Variants in ENPP6 observed in about 807,000 individuals in gnomAD.
ENPP6 encodes glycerophosphocholine cholinephosphodiesterase ENPP6.
Under a neutral mutation model 42.0 loss-of-function variants are expected in ENPP6, and 32 were observed. The observed-to-expected ratio is 0.76, with a 90% CI of 0.58 to 1.02. The LOEUF (loss-of-function observed/expected upper bound fraction) is 1.02. Ranked by LOEUF, ENPP6 falls within the 50% of genes least tolerant of loss-of-function variation. The pLI is 0.00. For missense variants in ENPP6, 552 were observed against 566.8 expected (o/e 0.97, Z 0.27); for synonymous variants, 213 against 216.0 (o/e 0.99, Z 0.12).
chr4:184,108,084 G>A (rs1736133443), intron 6 of ENPP6, among the ~76,000 whole-genome samples: 1 of 152,112 alleles, frequency 6.6e-6, no homozygotes, highest in Non-Finnish European at 1.5e-5. Flanking sequence ...TTTGGGGAAG[G>A]GCATTTTTAC....
intron 7 of ENPP6, among the ~76,000 whole-genome samples, chr4:184,093,771 G>A (rs1285140880): frequency 2.0e-5 from 3 of 152,042 alleles, no homozygotes; most frequent in African/African-American, 7.2e-5. Flanking sequence ...GATGAGGATG[G>A]TAGTTACACT....
chr4:184,201,001 G>A (rs559216093), intron 1 of ENPP6, among the ~76,000 whole-genome samples: 3 of 152,262 alleles, frequency 2.0e-5, no homozygotes, highest in Non-Finnish European at 2.9e-5. Context: ...GGTGGCCCAC[G>A]CATCCTCCCA....
intron 1 of ENPP6, among the ~76,000 whole-genome samples, chr4:184,194,127 T>G (rs77763922): frequency 0.024 from 3,604 of 152,260 alleles, 140 homozygotes; most frequent in African/African-American, 0.083. Flanking sequence ...TCATGGTCCC[T>G]CATCTACTCA....
rs147327112 is a variant in ENPP6, at chr4:184,194,215, C to T, written c.241+23364G>A. Reference sequence around the variant, plus strand: ...AGTCACCACCTGAATGTCCCGCAAGCGTCGCAGTGTGAGAATATAAACGAT... The same window carrying T: ...AGTCACCACCTGAATGTCCCGCAAGTGTCGCAGTGTGAGAATATAAACGAT... On this transcript the variant is annotated intron_variant, in intron 1 of 7. Transcript: ENST00000296741. Among the ~76,000 whole-genome samples, 1,092 of 152,296 alleles carry T rather than the reference C, an allele frequency of 7.2e-3. 6 individuals carry two copies. The highest frequency in any genetic ancestry group is 0.018 in the South Asian group (87 of 4,818).
At chr4:184,092,663 C>T (rs758616947) in intron 7 of ENPP6, among the ~76,000 whole-genome samples, 13 of 152,160 alleles carry the variant, frequency 8.5e-5, no homozygotes, top group Non-Finnish European at 1.6e-4. Flanking sequence ...CACTTTTAGG[C>T]CCCAAACCAG....
rs756931617 is a variant in ENPP6 at position 184,097,337 on chromosome 4, C to T, written c.1025G>A (p.Ser342Asn). Residue 342 changes from serine to asparagine, a missense_variant, in exon 7 of 8, where the codon AGC becomes AAC. Ser to Asn is a conservative substitution (Grantham distance 46, BLOSUM62 1). Coordinates refer to ENST00000296741, the MANE Select transcript of ENPP6 (RefSeq NM_153343.4). ...NREMLPFWMN[S>N]TGRREGWQRG... ...CTGCCAACCTTCCCGCCTGCCGGTG[C>T]TGTTCATCCAAAACGGAAGCATCTC... is the stretch of plus-strand genomic sequence containing the variant. 5.4e-5 allele frequency: 87 copies of T among 1,614,092 alleles called. 2 individuals are homozygous for T. The South Asian group carries it at 9.3e-4, about 17-fold the overall frequency.
intron 2 of ENPP6, among the ~76,000 whole-genome samples, chr4:184,152,373 C>T (rs946968518): frequency 6.6e-6 from 1 of 152,120 alleles, no homozygotes; most frequent in Non-Finnish European, 1.5e-5. Context: ...TCCACTGCCC[C>T]CTCCCTGCAG....
chr4:184,158,746 T>C (rs1430105116), intron 1 of ENPP6, among the ~76,000 whole-genome samples: 1 of 152,220 alleles, frequency 6.6e-6, no homozygotes, highest in Non-Finnish European at 1.5e-5. Context: ...TTCAATGTCA[T>C]AAAATAGCTC....
At chr4:184,193,916 G>A (rs1407366395) in intron 1 of ENPP6, among the ~76,000 whole-genome samples, 11 of 152,172 alleles carry the variant, frequency 7.2e-5, no homozygotes, top group Non-Finnish European at 1.3e-4. Flanking sequence ...TGTTCAGTTT[G>A]ATGCTACTGA....
chr4:184,215,517 C>G (rs1424408974), intron 1 of ENPP6, among the ~76,000 whole-genome samples: 1 of 152,142 alleles, frequency 6.6e-6, no homozygotes, highest in African/African-American at 2.4e-5. Flanking sequence ...GGTTCATGGC[C>G]TGGCATTTCC....
At chr4:184,137,447 G>T (rs1736748490) in intron 2 of ENPP6, among the ~76,000 whole-genome samples, 2 of 152,106 alleles carry the variant, frequency 1.3e-5, no homozygotes, top group Non-Finnish European at 2.9e-5. Flanking sequence ...TGGTTTTTCA[G>T]TCAGGCCTTG....
At chr4:184,099,829 G>C (rs1443526160) in intron 6 of ENPP6, among the ~76,000 whole-genome samples, 1 of 152,110 alleles carries the variant, frequency 6.6e-6, no homozygotes, top group Non-Finnish European at 1.5e-5. Flanking sequence ...TCCCAATTTA[G>C]TCTCGTCAGC....
intron 1 of ENPP6, among the ~76,000 whole-genome samples, chr4:184,182,099 G>A: frequency 6.6e-6 from 1 of 151,484 alleles, no homozygotes; most frequent in East Asian, 1.9e-4. Context: ...GAAAATTTTT[G>A]CAATCTATCC....
At chr4:184,103,105 T>C (rs546784393) in intron 6 of ENPP6, among the ~76,000 whole-genome samples, 1 of 152,332 alleles carries the variant, frequency 6.6e-6, no homozygotes, top group Admixed American at 6.5e-5. Flanking sequence ...GACTGCAGAA[T>C]GAGGCACAGG....
rs549193067 is a variant in ENPP6, at chr4:184,209,218, G to A, written c.241+8361C>T. Among the ~76,000 whole-genome samples, 215 of 150,544 alleles carry A rather than the reference G, an allele frequency of 1.4e-3. 1 individual carries two copies. The highest frequency in any genetic ancestry group is 2.0e-3 in the African/African-American group (82 of 40,326). ...AGGAACGCAGCTCCTCACCAGCAAT[G>A]GAACAAAGCTGGATGGAGAATGACT... On this transcript the variant is annotated intron_variant, in intron 1 of 7. Transcript: ENST00000296741.
chr4:184,103,987 G>C (rs575489140), intron 6 of ENPP6, among the ~76,000 whole-genome samples: 1 of 151,836 alleles, frequency 6.6e-6, no homozygotes, highest in South Asian at 2.1e-4. Context: ...AAAGCACTTA[G>C]TGGATGGGGT....
chr4:184,193,798 TA>T (rs1295101880), intron 1 of ENPP6, among the ~76,000 whole-genome samples: 2 of 152,172 alleles, frequency 1.3e-5, no homozygotes, highest in African/African-American at 4.8e-5. Context: ...AGAATTTACC[TA>T]CAAAGCATTT....
At chr4:184,130,161 G>T (rs912463141) in intron 2 of ENPP6, among the ~76,000 whole-genome samples, 1 of 152,150 alleles carries the variant, frequency 6.6e-6, no homozygotes, top group African/African-American at 2.4e-5. Flanking sequence ...TTTGGAATGC[G>T]GTTGTGAGGG....
At chr4:184,125,127 C>T (rs1414152598) in intron 2 of ENPP6, among the ~76,000 whole-genome samples, 2 of 152,166 alleles carry the variant, frequency 1.3e-5, no homozygotes, top group Admixed American at 6.5e-5. Context: ...GGAGGGGACA[C>T]AGGAAAGTGT....
Sources: gnomAD v4.1 joint callset for allele counts (sites outside exome capture counted in the v4.1 genomes callset) on GRCh38, gnomAD v4.1.1 for gene constraint, MANE v1.5 for transcripts, NCBI Gene and HGNC (gene_info 2026-07-23, HGNC 2026-07-21) for gene names.